The following RBM20 variants were observed in gnomAD, a reference collection of about 807,000 sequenced individuals.
The protein encoded by RBM20 is RNA-binding protein 20.
RBM20 carries 51 observed loss-of-function variants against 110.1 expected under a neutral mutation model. The observed-to-expected ratio is 0.46, with a 90% confidence interval of 0.37 to 0.59. The LOEUF (loss-of-function observed/expected upper bound fraction) is 0.59. RBM20 is among the 20% of genes least tolerant of loss of function. The pLI is 0.00. For missense variants in RBM20, 1,512 were observed against 1,574.9 expected, an observed-to-expected ratio of 0.96 and a Z score of 0.68; for synonymous variants, 589 against 618.2, an observed-to-expected ratio of 0.95 and a Z score of 0.70.
At chr10:110,735,681 T>A (rs988346175) in intron 1 of RBM20, among the ~76,000 whole-genome samples, 6 of 152,214 alleles carry the variant, frequency 3.9e-5, no homozygotes, top group Non-Finnish European at 5.9e-5. Flanking sequence ...TTGCTTTTGT[T>A]TTGATGAAAA....
chr10:110,757,643 T>C (rs1359352476), intron 1 of RBM20, among the ~76,000 whole-genome samples: 4 of 152,210 alleles, frequency 2.6e-5, no homozygotes, highest in Non-Finnish European at 5.9e-5. Flanking sequence ...TATTTTGGTC[T>C]TTTGCAAAAA....
At chr10:110,780,009 CAGAG>C (rs547691979) in intron 1 of RBM20, among the ~76,000 whole-genome samples, 131 of 151,848 alleles carry the variant, frequency 8.6e-4, no homozygotes, top group Middle Eastern at 3.4e-3. Flanking sequence ...TTTTTTGTAA[CAGAG>C]ACTTTGGCAA....
At chr10:110,692,145 A>T (rs924422370) in intron 1 of RBM20, among the ~76,000 whole-genome samples, 2 of 152,096 alleles carry the variant, frequency 1.3e-5, no homozygotes, top group African/African-American at 2.4e-5. Context: ...TTATGCCAGT[A>T]CCACACTCTT....
intron 9 of RBM20, among the ~76,000 whole-genome samples, chr10:110,818,356 G>A (rs1844868280): frequency 6.6e-6 from 1 of 151,346 alleles, no homozygotes; most frequent in Admixed American, 6.6e-5. Flanking sequence ...ATTTTGGAAT[G>A]ATCATTCTTG....
chr10:110,781,649 A>C lies in RBM20; in HGVS notation c.1040A>C (p.Tyr347Ser). 1 of 1,549,394 alleles carries C rather than the reference A, an allele frequency of 6.5e-7. No homozygotes were observed. Among genetic ancestry groups the C allele is most frequent in the Non-Finnish European group, 8.7e-7 (1 of 1,145,406 alleles). The change falls in exon 2 of 14, where the codon TAT (tyrosine) becomes TCT (serine). Residue 347 changes from tyrosine (Y) to serine (S), a missense_variant. By Grantham distance (144) the Tyr-to-Ser change is moderately radical (BLOSUM62 -2). This residue lies in a region of RBM20 where 1,149 missense variants were observed against 1,169.4 expected (regional missense o/e 0.98). Transcript: ENST00000369519. ...TGGCCTCCACCCCACAACCAGCCCTATGAGCTGTACGACCCCGAGGAACCA... is the reference window on the plus strand; with the variant it reads ...TGGCCTCCACCCCACAACCAGCCCTCTGAGCTGTACGACCCCGAGGAACCA... ...PMWPPPHNQP[Y>S]ELYDPEEPTS...
chr10:110,648,327 C>T (rs1188906290), intron 1 of RBM20, among the ~76,000 whole-genome samples: 1 of 152,102 alleles, frequency 6.6e-6, no homozygotes, highest in Admixed American at 6.5e-5. Context: ...GTAGCAACTC[C>T]GATTTACAGA....
intron 1 of RBM20, among the ~76,000 whole-genome samples, chr10:110,724,514 G>A (rs1843541073): frequency 6.6e-6 from 1 of 152,156 alleles, no homozygotes; most frequent in East Asian, 1.9e-4. Context: ...GACAGAGCAG[G>A]AACCATTGAC....
chr10:110,655,338 A>T (rs1862006850), intron 1 of RBM20, among the ~76,000 whole-genome samples: 1 of 139,958 alleles, frequency 7.1e-6, no homozygotes, highest in Non-Finnish European at 1.5e-5. Context: ...TCTATATCCC[A>T]ATTTAAATTC....
intron 1 of RBM20, among the ~76,000 whole-genome samples, chr10:110,676,354 G>A (rs1862339355): frequency 6.6e-6 from 1 of 152,196 alleles, no homozygotes; most frequent in Non-Finnish European, 1.5e-5. Context: ...ATATTTGGAA[G>A]TGGTATCTTT....
intron 1 of RBM20, among the ~76,000 whole-genome samples, chr10:110,690,587 C>T (rs1001436157): frequency 1.3e-5 from 2 of 152,160 alleles, no homozygotes; most frequent in Admixed American, 6.5e-5. Context: ...AGGCTACTTT[C>T]TGTCTCTATG....
Position 110,737,190 on chromosome 10 carries a change from A to AAAC in RBM20, c.192-43609_192-43608insCAA, listed in dbSNP as rs1554894296. Among the ~76,000 whole-genome samples, 9 of 143,428 alleles carry AAAC rather than the reference A, an allele frequency of 6.3e-5. 1 individual carries two copies. The highest frequency in any genetic ancestry group is 2.3e-4 in the African/African-American group (9 of 38,346). 94.1% of individuals were successfully genotyped at this position (143,428 alleles called of 152,430 possible). ...GAAACTCTGCCTCAAAAAAAAAAAA[A>AAAC]AAAAAAACACCCCACACACACACTC... On this transcript the variant is annotated intron_variant, in intron 1 of 13. Transcript: ENST00000369519.
intron 1 of RBM20, among the ~76,000 whole-genome samples, chr10:110,694,454 A>G (rs1252580557): frequency 6.6e-6 from 1 of 152,226 alleles, no homozygotes; most frequent in Non-Finnish European, 1.5e-5. Context: ...GGGGACTACG[A>G]TGATGCAGTC....
rs532825139 is a variant in RBM20, at chr10:110,728,162, T to A, written c.192-52639T>A. Among the ~76,000 whole-genome samples the A allele has an allele frequency of 5.3e-5, 8 of 152,354 alleles. No homozygotes were observed. In the South Asian group the frequency reaches 1.7e-3, roughly 32 times the overall value. ...AATGATTTATAATCCTTTAGGTATATACCCAGTAATGGAATTGCTGGGTCA... is the reference window on the plus strand; with the variant it reads ...AATGATTTATAATCCTTTAGGTATAAACCCAGTAATGGAATTGCTGGGTCA... On this transcript the variant is annotated intron_variant, in intron 1 of 13. Transcript: ENST00000369519.
chr10:110,685,259 T>A (rs567225720), intron 1 of RBM20, among the ~76,000 whole-genome samples: 11 of 152,342 alleles, frequency 7.2e-5, no homozygotes, highest in African/African-American at 2.4e-4. Flanking sequence ...CCATAAGTGC[T>A]CAGCGCGTTT....
intron 1 of RBM20, among the ~76,000 whole-genome samples, chr10:110,772,215 A>G (rs948998982): frequency 1.3e-5 from 2 of 152,226 alleles, no homozygotes; most frequent in African/African-American, 4.8e-5. Flanking sequence ...CCATCTGGGA[A>G]ATGTCTTTGT....
chr10:110,643,904 A>T (rs1481257858), upstream of RBM20, among the ~76,000 whole-genome samples: 5 of 152,148 alleles, frequency 3.3e-5, no homozygotes, highest in Non-Finnish European at 7.4e-5. Context: ...ATGCGCGCGG[A>T]CGTCCCGGGC....
At chr10:110,721,758 C>G (rs1198013424) in intron 1 of RBM20, among the ~76,000 whole-genome samples, 1 of 152,108 alleles carries the variant, frequency 6.6e-6, no homozygotes, top group Non-Finnish European at 1.5e-5. Context: ...TCTCATTTCA[C>G]CAAGCTATAA....
At chr10:110,715,896 C>T (rs1210680799) in intron 1 of RBM20, among the ~76,000 whole-genome samples, 3 of 152,202 alleles carry the variant, frequency 2.0e-5, no homozygotes, top group Non-Finnish European at 4.4e-5. Context: ...ATGGTCCCCA[C>T]TTAACTACAA....
chr10:110,818,850 A>G (rs773761254), intron 9 of RBM20, among the ~76,000 whole-genome samples: 11 of 152,254 alleles, frequency 7.2e-5, no homozygotes, highest in African/African-American at 2.4e-4. Flanking sequence ...GGTAGAAGCT[A>G]TAATAGCTAA....
Sources: allele counts gnomAD v4.1 joint callset (sites outside exome capture counted in the v4.1 genomes callset), GRCh38; gene constraint gnomAD v4.1.1; regional missense constraint gnomAD v4.1.1; transcripts MANE v1.5; gene names NCBI Gene and HGNC (gene_info 2026-07-23, HGNC 2026-07-21).